KCNH1: variants seen among roughly 807,000 people sequenced by gnomAD.
KCNH1 encodes the protein potassium voltage-gated channel subfamily H member 1, also known as voltage-gated delayed rectifier potassium channel KCNH1.
In KCNH1, 27 loss-of-function variants were observed where a neutral mutation model predicts 69.2. The ratio of observed to expected loss-of-function variants is 0.39; its 90% CI spans 0.29 to 0.54. KCNH1 has a LOEUF of 0.54. Ranked by LOEUF, KCNH1 falls within the 20% of genes least tolerant of loss-of-function variation. The pLI is 0.68. For synonymous variants in KCNH1, 456 were observed against 487.7 expected (o/e 0.93, Z 0.86); for missense variants, 798 against 1,261.6 (o/e 0.63, Z 5.57).
intron 6 of KCNH1, among the ~76,000 whole-genome samples, chr1:211,000,854 T>C (rs957136258): frequency 7.0e-4 from 107 of 151,978 alleles, no homozygotes; most frequent in Non-Finnish European, 8.2e-4. Flanking sequence ...TCAGAAATAA[T>C]ACCACAAATC....
At chr1:211,044,794 A>G (rs912696726) in intron 5 of KCNH1, among the ~76,000 whole-genome samples, 1 of 151,968 alleles carries the variant, frequency 6.6e-6, no homozygotes, top group Non-Finnish European at 1.5e-5. Context: ...ACACTTCTAC[A>G]CTACTGGTGG....
intron 6 of KCNH1, among the ~76,000 whole-genome samples, chr1:210,969,759 A>G (rs1308324073): frequency 1.3e-5 from 2 of 152,138 alleles, no homozygotes; most frequent in East Asian, 3.9e-4. Context: ...TTCTACTTTC[A>G]TCTTTAGCTT....
intron 10 of KCNH1, among the ~76,000 whole-genome samples, chr1:210,752,031 G>T (rs577958890): frequency 2.6e-5 from 4 of 152,280 alleles, no homozygotes; most frequent in Non-Finnish European, 4.4e-5. Flanking sequence ...AGGTAAGGTA[G>T]TGTGAAGGAC....
intron 6 of KCNH1, among the ~76,000 whole-genome samples, chr1:211,008,965 G>A (rs1689340256): frequency 6.6e-6 from 1 of 152,160 alleles, no homozygotes. Context: ...CTCTAATCAT[G>A]TAACGTTGAG....
At chr1:210,990,765 G>T (rs535125199) in intron 6 of KCNH1, among the ~76,000 whole-genome samples, 11 of 152,096 alleles carry the variant, frequency 7.2e-5, no homozygotes, top group Non-Finnish European at 1.6e-4. Flanking sequence ...CACATATTAG[G>T]ACCTCAATAA....
chr1:210,860,143 T>C (rs1201574378), intron 7 of KCNH1: 5 of 1,161,528 alleles, frequency 4.3e-6, no homozygotes, highest in Middle Eastern at 2.4e-4. Flanking sequence ...CATTTCAAGA[T>C]ACTTGGTATC....
chr1:211,132,274 T>C (rs975042369), intron 1 of KCNH1, among the ~76,000 whole-genome samples: 1 of 152,200 alleles, frequency 6.6e-6, no homozygotes, highest in African/African-American at 2.4e-5. Flanking sequence ...AAAATAGCAA[T>C]AATAGCACAG....
intron 5 of KCNH1, among the ~76,000 whole-genome samples, chr1:211,048,488 C>T (rs4494205): frequency 0.79 from 120,136 of 151,976 alleles, 47,862 homozygotes; most frequent in African/African-American, 0.84. Flanking sequence ...TACATATATA[C>T]ATATACCACG....
intron 10 of KCNH1, among the ~76,000 whole-genome samples, chr1:210,692,781 C>T (rs11119574): frequency 0.065 from 9,930 of 152,254 alleles, 388 homozygotes; most frequent in East Asian, 0.13. Flanking sequence ...GAAGCTAAGA[C>T]AGGCCTGGAA....
intron 6 of KCNH1, among the ~76,000 whole-genome samples, chr1:211,017,375 C>G (rs2102412890): frequency 6.6e-6 from 1 of 152,262 alleles, no homozygotes; most frequent in African/African-American, 2.4e-5. Flanking sequence ...CGTTCTCAAG[C>G]CTGAGTCCTA....
intron 5 of KCNH1, among the ~76,000 whole-genome samples, chr1:211,074,134 C>A (rs1254364269): frequency 1.4e-5 from 2 of 140,124 alleles, no homozygotes; most frequent in Non-Finnish European, 3.1e-5. Flanking sequence ...TACTGAGTAA[C>A]TACTATGTGC....
At position 210,983,381 on chromosome 1, in the gene KCNH1, T is replaced by A. The variant is rs181898272; in HGVS notation, c.1032+35402A>T. On this transcript the variant is annotated intron_variant, in intron 6 of 10. Coordinates refer to ENST00000271751, the MANE Select transcript of KCNH1 (RefSeq NM_172362.3). ...TCTGAATGGTATTGCCTAGGTTTTC[T>A]TCTAGGGTTCTTATGGTTTTAGGTC... Among the ~76,000 whole-genome samples the A allele has an allele frequency of 7.2e-5, 11 of 152,372 alleles. No homozygotes were observed. The East Asian group carries it at 1.7e-3, about 24-fold the overall frequency.
intron 7 of KCNH1, among the ~76,000 whole-genome samples, chr1:210,892,498 A>C (rs959088066): frequency 2.0e-5 from 3 of 152,112 alleles, no homozygotes; most frequent in Admixed American, 6.6e-5. Context: ...CAGCTCCCCC[A>C]CACATGCCTC....
chr1:210,958,995 T>A (rs565005684), intron 6 of KCNH1, among the ~76,000 whole-genome samples: 1 of 152,358 alleles, frequency 6.6e-6, no homozygotes, highest in South Asian at 2.1e-4. Context: ...AAATGTGCTC[T>A]GGTTTTTAGA....
rs190843510 is a variant in KCNH1, at chr1:210,933,492, A to G, written c.1033-13423T>C. ...ACTAACCTGCACATTGTGAACATGT[A>G]CCCTAAAACTTAAAGTATAATAATA... On this transcript the variant is annotated intron_variant, in intron 6 of 10. Coordinates refer to ENST00000271751, the MANE Select transcript of KCNH1 (RefSeq NM_172362.3). 5.1e-4 allele frequency among the ~76,000 whole-genome samples: 77 copies of G among 151,272 alleles called. 1 individual carries two copies. Among genetic ancestry groups the G allele is most frequent in the Admixed American group, 5.0e-3 (76 of 15,080 alleles).
At chr1:211,050,296 G>A (rs967292366) in intron 5 of KCNH1, among the ~76,000 whole-genome samples, 13 of 66,446 alleles carry the variant, frequency 2.0e-4, no homozygotes, top group Non-Finnish European at 3.6e-4. Context: ...AAAAAGGACA[G>A]CTTGATGCTA....
At chr1:210,984,063 GCT>G (rs1254391538) in intron 6 of KCNH1, among the ~76,000 whole-genome samples, 2 of 151,958 alleles carry the variant, frequency 1.3e-5, no homozygotes, top group East Asian at 1.9e-4. Flanking sequence ...TCATGATTTG[GCT>G]CTCTGTTTGT....
chr1:210,687,890 C>T (rs891877499), intron 10 of KCNH1, among the ~76,000 whole-genome samples: 3 of 152,126 alleles, frequency 2.0e-5, no homozygotes, highest in Non-Finnish European at 4.4e-5. Context: ...AAGAGTGTAT[C>T]CTGGGAACGA....
chr1:210,744,220 T>A (rs2149038668), intron 10 of KCNH1, among the ~76,000 whole-genome samples: 1 of 152,318 alleles, frequency 6.6e-6, no homozygotes. Context: ...CCCATGTCTA[T>A]CTTATCTTAC....
Sources: allele counts gnomAD v4.1 joint callset (sites outside exome capture counted in the v4.1 genomes callset), GRCh38; gene constraint gnomAD v4.1.1; transcripts MANE v1.5; gene names NCBI Gene and HGNC (gene_info 2026-07-23, HGNC 2026-07-21).